Variants in DST observed in about 807,000 individuals in gnomAD.
The protein encoded by DST is bullous pemphigoid antigen.
DST carries 253 observed loss-of-function variants against 875.2 expected under a neutral mutation model. The ratio of observed to expected loss-of-function variants is 0.29; its 90% confidence interval spans 0.26 to 0.32. DST has a LOEUF of 0.32. Ranked by LOEUF, DST falls within the 10% of genes least tolerant of loss-of-function variation. The pLI is 1.00. For missense variants in DST, 8,287 were observed against 9,111.6 expected (o/e 0.91, Z 3.68); for synonymous variants, 3,124 against 3,197.1 (o/e 0.98, Z 0.77).
chr6:56,665,312 C>T (rs1332302856), intron 10 of DST, among the ~76,000 whole-genome samples: 3 of 152,122 alleles, frequency 2.0e-5, no homozygotes, highest in African/African-American at 7.2e-5. Context: ...ATTAGTTAAA[C>T]AACTAAATTA....
intron 60 of DST, 51 bp downstream of exon 60, chr6:56,555,294 A>G (rs1313492917): frequency 5.3e-6 from 8 of 1,519,448 alleles, no homozygotes; most frequent in Non-Finnish European, 6.2e-6. Flanking sequence ...AATAGGCAAT[A>G]TATGACATTT....
In DST at chr6:56,460,193, T is replaced by A; in HGVS notation, c.23132A>T (p.His7711Leu). Reference sequence around the variant, plus strand: ...TATCAAGCCACTGTCCTCCCCAGAGTGGAAGCCTTTCCCTGATAAATATCC... The same window carrying A: ...TATCAAGCCACTGTCCTCCCCAGAGAGGAAGCCTTTCCCTGATAAATATCC... ...LPGYLSGKGFHSGEDSGLITT... is the reference protein window; with the variant it reads ...LPGYLSGKGFLSGEDSGLITT... The change falls in exon 103 of 104, where the codon CAC (histidine) becomes CTC (leucine). Residue 7711 changes from histidine to leucine, a missense_variant. Around this residue, in one of 10 missense-constraint regions of DST, gnomAD observed 240 missense variants for 237.3 expected, o/e 1.01. Coordinates refer to ENST00000680361, the MANE Select transcript of DST (RefSeq NM_001374736.1). 6.2e-7 allele frequency: 1 copy of A among 1,613,988 alleles called. No homozygotes were observed. Among genetic ancestry groups the A allele is most frequent in the African/African-American group, 1.3e-5 (1 of 75,048 alleles).
At chr6:56,684,800 C>A (rs1179441945) in intron 9 of DST, among the ~76,000 whole-genome samples, 1 of 152,196 alleles carries the variant, frequency 6.6e-6, no homozygotes, top group Non-Finnish European at 1.5e-5. Context: ...GGCTTTGCCT[C>A]ACTCCTAAAG....
chr6:56,789,588 C>T (rs750240253), intron 4 of DST, among the ~76,000 whole-genome samples: 2 of 152,078 alleles, frequency 1.3e-5, no homozygotes, highest in Admixed American at 6.5e-5. Context: ...ATGCTATACT[C>T]GTTAAACAAC....
At chr6:56,748,069 TTTC>T (rs1190350425) in intron 4 of DST, among the ~76,000 whole-genome samples, 1 of 152,204 alleles carries the variant, frequency 6.6e-6, no homozygotes, top group Non-Finnish European at 1.5e-5. Context: ...AAGAATCCTA[TTTC>T]TTCTTACCTT....
chr6:56,901,647 G>C (rs1214092779), intron 2 of DST, among the ~76,000 whole-genome samples: 1 of 151,654 alleles, frequency 6.6e-6, no homozygotes, highest in African/African-American at 2.4e-5. Context: ...GTGTGTATCT[G>C]TGTGTGTGTG....
At chr6:56,585,960 C>T (rs1202922549) in intron 49 of DST, among the ~76,000 whole-genome samples, 3 of 147,266 alleles carry the variant, frequency 2.0e-5, no homozygotes, top group Admixed American at 7.1e-5. Flanking sequence ...GTCTGAGAGA[C>T]AGTTTGTTAT....
chr6:56,843,289 A>C, intron 4 of DST: 1 of 1,245,582 alleles, frequency 8.0e-7, no homozygotes, highest in Non-Finnish European at 1.0e-6. Context: ...GAAGCCGAAG[A>C]CGCAGAGCGG....
chr6:56,582,934 T>G (rs2152654556), intron 49 of DST, among the ~76,000 whole-genome samples: 1 of 152,256 alleles, frequency 6.6e-6, no homozygotes, highest in South Asian at 2.1e-4. Flanking sequence ...CTCATCATTT[T>G]TTATGGCTGC....
intron 34 of DST, among the ~76,000 whole-genome samples, chr6:56,625,722 G>A (rs1488117861): frequency 5.4e-5 from 8 of 148,318 alleles, no homozygotes; most frequent in African/African-American, 1.8e-4. Context: ...GTTTTAGAGT[G>A]TACTCCTACT....
chr6:56,725,568 G>A (rs1304782633), intron 5 of DST, among the ~76,000 whole-genome samples: 1 of 152,190 alleles, frequency 6.6e-6, no homozygotes, highest in Admixed American at 6.5e-5. Context: ...TGATTCTAAG[G>A]AATGGACAAA....
At position 56,645,947 on chromosome 6, in the gene DST, G is replaced by T; in HGVS notation, c.1697C>A (p.Pro566Gln). The change falls in exon 15 of 104, where the codon CCA becomes CAA. Residue 566 changes from proline (P) to glutamine (Q), a missense_variant. By Grantham distance (76) the Pro-to-Gln change is moderately conservative (BLOSUM62 -1). Around this residue, in one of 10 missense-constraint regions of DST, gnomAD observed 1,160 missense variants for 1,424.3 expected, o/e 0.81. Transcript: ENST00000680361. Reference sequence around the variant, plus strand: ...CCCCCACTCTTTTTCTATGTCATTTGGATGATAACCTTGAAGGAGCTTGAT... The same window carrying T: ...CCCCCACTCTTTTTCTATGTCATTTTGATGATAACCTTGAAGGAGCTTGAT... ...GRIKLLQGYH[P>Q]NDIEKEWGKL... The T allele has an allele frequency of 1.2e-6, 2 of 1,613,672 alleles. No individual in the cohort carries two copies. Among genetic ancestry groups the T allele is most frequent in the Non-Finnish European group, 1.7e-6 (2 of 1,179,710 alleles).
At position 56,778,070 on chromosome 6, in the gene DST, G is replaced by A. The variant is rs146454207; in HGVS notation, c.626-42781C>T. On this transcript the variant is annotated intron_variant, in intron 4 of 103. Coordinates refer to ENST00000680361, the MANE Select transcript of DST (RefSeq NM_001374736.1). ...TTAAATGTAAATATTCCTTGGTTCAGTTATTCCAGTTACAAATTTATTATA... is the reference window on the plus strand; with the variant it reads ...TTAAATGTAAATATTCCTTGGTTCAATTATTCCAGTTACAAATTTATTATA... Among the ~76,000 whole-genome samples, 94 of 152,208 alleles carry A rather than the reference G, an allele frequency of 6.2e-4. No homozygotes were observed. In the Middle Eastern group the frequency reaches 0.014, roughly 22 times the overall value.
intron 61 of DST, among the ~76,000 whole-genome samples, chr6:56,549,173 A>C (rs899252499): frequency 6.6e-6 from 1 of 152,068 alleles, no homozygotes; most frequent in African/African-American, 2.4e-5. Flanking sequence ...GTAACTGGGT[A>C]ATAGCTATTA....
chr6:56,544,654 T>C (rs2097192860), intron 61 of DST, among the ~76,000 whole-genome samples: 1 of 146,492 alleles, frequency 6.8e-6, no homozygotes, highest in Non-Finnish European at 1.5e-5. Flanking sequence ...CATGACACAG[T>C]TCGGAAGTAA....
chr6:56,634,543 G>C lies in DST; in HGVS notation c.3413C>G (p.Pro1138Arg), dbSNP rs571879524. 1.1e-4 allele frequency: 182 copies of C among 1,614,130 alleles called. 1 individual carries two copies. In the South Asian group the frequency reaches 1.9e-3, roughly 17 times the overall value. Residue 1138 changes from proline to arginine, a missense_variant, in exon 26 of 104, where the codon CCT becomes CGT. This residue lies in a region of DST where 1,160 missense variants were observed against 1,424.3 expected (regional missense o/e 0.81). Transcript: ENST00000680361. ...TGGGACCATAGCCTCATTCCCAGTAGGACTAATGACCTTCCATTTAGCACG... is the reference window on the plus strand; with the variant it reads ...TGGGACCATAGCCTCATTCCCAGTACGACTAATGACCTTCCATTTAGCACG... ...SHRAKWKVIS[P>R]TGNEAMVPSV...
chr6:56,903,748 G>A (rs923945455), intron 2 of DST, among the ~76,000 whole-genome samples: 6 of 152,288 alleles, frequency 3.9e-5, no homozygotes, highest in Middle Eastern at 3.4e-3. Context: ...GTAAGCCATC[G>A]CATGCGGCCA....
rs374031038 is a variant in DST, at chr6:56,604,483, G to T, written c.10145C>A (p.Thr3382Asn). ...EVEEPSACAD[T>N]KILIQNLIKR... The stretch of plus-strand genomic sequence containing the variant: ...AATTAAATTTTGAATTAAAATTTTA[G>T]TGTCTGCACAGGCTGAAGGTTCTTC... The change falls in exon 40 of 104, where the codon ACT becomes AAT. Residue 3382 changes from threonine to asparagine, a missense_variant. Physicochemically the swap from Thr to Asn is moderately conservative, Grantham distance 65 (BLOSUM62 0). Transcript: ENST00000680361. The T allele has an allele frequency of 1.2e-6, 2 of 1,612,130 alleles. No homozygotes were observed. Among genetic ancestry groups the T allele is most frequent in the Admixed American group, 1.7e-5 (1 of 59,698 alleles).
chr6:56,662,811 G>A lies in DST; in HGVS notation c.1214+7830C>T, dbSNP rs12664398. ...AACAAAATTAGTTGGGCATGGGGGC[G>A]GGGGGGTCATGCCTGTAGTCCCAAC... is the stretch of plus-strand genomic sequence containing the variant. On this transcript the variant is annotated intron_variant, in intron 10 of 103. Coordinates refer to ENST00000680361, the MANE Select transcript of DST (RefSeq NM_001374736.1). Among the ~76,000 whole-genome samples, 6 of 149,860 alleles carry A rather than the reference G, an allele frequency of 4.0e-5. 1 individual carries two copies. The highest frequency in any genetic ancestry group is 5.1e-5 in the African/African-American group (2 of 39,466).
Sources: gnomAD v4.1 joint callset for allele counts (sites outside exome capture counted in the v4.1 genomes callset) on GRCh38, gnomAD v4.1.1 for gene constraint, gnomAD v4.1.1 regional missense constraint, MANE v1.5 for transcripts, NCBI Gene and HGNC (gene_info 2026-07-23, HGNC 2026-07-21) for gene names.